Variants in ZFHX3 observed in about 807,000 individuals in gnomAD.
ZFHX3 encodes the protein zinc finger homeobox 3, also known as zinc finger homeobox protein 3.
ZFHX3 carries 42 observed loss-of-function variants against 279.1 expected under a neutral mutation model. The observed-to-expected ratio is 0.15, with a 90% CI of 0.12 to 0.19. The LOEUF (loss-of-function observed/expected upper bound fraction) is 0.19. Ranked by LOEUF, ZFHX3 falls within the 10% of genes least tolerant of loss-of-function variation. ZFHX3 has a pLI of 1.00. For synonymous variants in ZFHX3, 2,293 were observed against 1,957.8 expected (o/e 1.17, Z -4.52); for missense variants, 4,981 against 4,754.0 (o/e 1.05, Z -1.40).
At chr16:73,155,052 A>C (rs909908917) in intron 5 of ZFHX3, among the ~76,000 whole-genome samples, 2 of 151,840 alleles carry the variant, frequency 1.3e-5, no homozygotes, top group African/African-American at 4.8e-5. Context: ...CTGCACTTGT[A>C]GTGCCAGCTA....
intron 4 of ZFHX3, among the ~76,000 whole-genome samples, chr16:73,280,748 G>A (rs1258206463): frequency 2.0e-5 from 3 of 151,994 alleles, no homozygotes; most frequent in Admixed American, 6.6e-5. Context: ...TTGGGAGGCC[G>A]AGGCAGGCGG....
At chr16:73,322,279 CTT>C (rs35155886) in intron 3 of ZFHX3, among the ~76,000 whole-genome samples, 23 of 145,714 alleles carry the variant, frequency 1.6e-4, no homozygotes, top group South Asian at 6.5e-4. Flanking sequence ...ATCTTCATGG[CTT>C]TTTTTTTTTT....
intron 3 of ZFHX3, among the ~76,000 whole-genome samples, chr16:73,444,437 A>G (rs1480338385): frequency 6.6e-6 from 1 of 152,180 alleles, no homozygotes; most frequent in Non-Finnish European, 1.5e-5. Context: ...GAAATCTTTT[A>G]AGTTTTTTTC....
chr16:73,437,947 C>CA (rs779187158), intron 3 of ZFHX3, among the ~76,000 whole-genome samples: 1 of 152,146 alleles, frequency 6.6e-6, no homozygotes, highest in Non-Finnish European at 1.5e-5. Flanking sequence ...AGCCATTGGA[C>CA]ACCAGCTGTA....
chr16:73,135,404 T>G (rs1225023450), intron 6 of ZFHX3, among the ~76,000 whole-genome samples: 1 of 152,154 alleles, frequency 6.6e-6, no homozygotes, highest in Non-Finnish European at 1.5e-5. Flanking sequence ...AGAAAAAGGA[T>G]TTATTTTCTT....
chr16:73,810,100 T>C (rs1960386907), intron 1 of ZFHX3, among the ~76,000 whole-genome samples: 2 of 152,176 alleles, frequency 1.3e-5, no homozygotes. Context: ...ATATGAGGCT[T>C]AATATTCAGT....
At chr16:73,064,406 G>A (rs899916507), upstream of ZFHX3, among the ~76,000 whole-genome samples, 1 of 152,026 alleles carries the variant, frequency 6.6e-6, no homozygotes, top group African/African-American at 2.4e-5. Flanking sequence ...GAGCCCTGCC[G>A]CCCCTAACCC....
intron 3 of ZFHX3, among the ~76,000 whole-genome samples, chr16:73,330,324 G>T (rs1307911445): frequency 6.6e-6 from 1 of 152,208 alleles, no homozygotes; most frequent in Non-Finnish European, 1.5e-5. Context: ...AATGAATATA[G>T]TTATTGGGAT....
chr16:73,778,436 G>A (rs189139597), intron 1 of ZFHX3, among the ~76,000 whole-genome samples: 1 of 152,174 alleles, frequency 6.6e-6, no homozygotes. Context: ...TTGAATGGAT[G>A]GTGAAAATAT....
In ZFHX3 at chr16:73,046,593, C is replaced by A. The variant is rs1446154267; in HGVS notation, c.-50+1159G>T. ...AATGAGGGAACTCGAGGGGCCAACT[C>A]TACAAACTCGCACCTGCTGCTTGAC... is the stretch of plus-strand genomic sequence containing the variant. On this transcript the variant is annotated intron_variant, in intron 1 of 9. Coordinates refer to ENST00000268489, the MANE Select transcript of ZFHX3 (RefSeq NM_006885.4). 9.2e-5 allele frequency among the ~76,000 whole-genome samples: 14 copies of A among 152,130 alleles called. 1 individual carries two copies. The highest frequency in any genetic ancestry group is 3.4e-4 in the African/African-American group (14 of 41,440).
chr16:73,602,956 C>G (rs948699607), intron 2 of ZFHX3, among the ~76,000 whole-genome samples: 1 of 142,002 alleles, frequency 7.0e-6, no homozygotes, highest in African/African-American at 2.5e-5. Flanking sequence ...AAAAAATCAC[C>G]ATCTGATAGC....
chr16:73,716,612 A>AACACAC (rs144449904), intron 1 of ZFHX3, among the ~76,000 whole-genome samples: 1,233 of 31,770 alleles, frequency 0.039, 22 homozygotes, highest in African/African-American at 0.058. Flanking sequence ...TCTTACTCTG[A>AACACAC]ACACACACAC....
At chr16:73,422,198 T>C (rs1207952492) in intron 3 of ZFHX3, among the ~76,000 whole-genome samples, 3 of 9,024 alleles carry the variant, frequency 3.3e-4, no homozygotes, top group Admixed American at 1.1e-3. Flanking sequence ...TTTCAGAAGA[T>C]TTTTTTTTTT....
intron 1 of ZFHX3, among the ~76,000 whole-genome samples, chr16:73,877,204 G>T (rs1430691484): frequency 1.4e-5 from 2 of 139,642 alleles, no homozygotes; most frequent in African/African-American, 5.2e-5. Flanking sequence ...GGTTAGGTCG[G>T]GGGGGGGTCC....
intron 2 of ZFHX3, among the ~76,000 whole-genome samples, chr16:73,548,859 A>T (rs1295785683): frequency 6.6e-6 from 1 of 152,330 alleles, no homozygotes; most frequent in South Asian, 2.1e-4. Context: ...ACGATTCTCT[A>T]TAAAAAATAT....
Position 72,958,306 on chromosome 16 carries a change from C to A in ZFHX3, c.1840G>T (p.Gly614Trp). ...TGCTGGTGATGGGGAACGAAGCCCC[C>A]ATCGTCACCCTCTGTGCTTTCATTT... ...EPNESTEGDD[G>W]GFVPHHQHAG... Residue 614 changes from glycine to tryptophan, a missense_variant, in exon 2 of 10, where the codon GGG (glycine) becomes TGG (tryptophan). Gly to Trp is a radical substitution (Grantham distance 184). Transcript: ENST00000268489. The A allele has an allele frequency of 6.2e-7, 1 of 1,614,054 alleles. No homozygotes were observed. The highest frequency in any genetic ancestry group is 1.1e-5 in the South Asian group (1 of 91,088).
chr16:72,884,818 C>T (rs761829259), intron 4 of ZFHX3, among the ~76,000 whole-genome samples: 16 of 152,198 alleles, frequency 1.1e-4, no homozygotes, highest in African/African-American at 1.4e-4. Context: ...TTTTCAAGAG[C>T]TTCTGGTAAA....
chr16:72,944,950 A>T (rs899588859), intron 3 of ZFHX3, among the ~76,000 whole-genome samples: 8 of 152,288 alleles, frequency 5.3e-5, no homozygotes, highest in Admixed American at 6.5e-5. Flanking sequence ...TTTAAGTACT[A>T]AACTTTTTTT....
chr16:73,589,948 CA>C (rs2051977051), intron 2 of ZFHX3, among the ~76,000 whole-genome samples: 2 of 151,904 alleles, frequency 1.3e-5, no homozygotes, highest in Non-Finnish European at 2.9e-5. Context: ...TTTTAAAAAA[CA>C]AGTTGACAGT....
Sources: allele counts gnomAD v4.1 joint callset (sites outside exome capture counted in the v4.1 genomes callset), GRCh38; gene constraint gnomAD v4.1.1; transcripts MANE v1.5; gene names NCBI Gene and HGNC (gene_info 2026-07-23, HGNC 2026-07-21).